Variants in ANK2 observed in about 807,000 individuals in gnomAD.
ANK2 encodes ankyrin-2.
A neutral mutation model predicts 360.5 loss-of-function variants in ANK2; 83 were observed. The observed-to-expected ratio is 0.23, with a 90% CI of 0.19 to 0.28. The LOEUF (loss-of-function observed/expected upper bound fraction) is 0.28. Ranked by LOEUF, ANK2 falls within the 10% of genes least tolerant of loss-of-function variation. The pLI is 1.00. For synonymous variants in ANK2, 1,740 were observed against 1,759.5 expected, an observed-to-expected ratio of 0.99 and a Z score of 0.28; for missense variants, 4,201 against 4,795.7, an observed-to-expected ratio of 0.88 and a Z score of 3.66.
upstream of ANK2, among the ~76,000 whole-genome samples, chr4:112,816,528 A>G (rs183801063): frequency 8.0e-4 from 122 of 152,190 alleles, no homozygotes; most frequent in Non-Finnish European, 1.6e-4. Context: ...TATTATATTG[A>G]TTACAATATC....
intron 13 of ANK2, among the ~76,000 whole-genome samples, chr4:113,262,886 T>G (rs545483204): frequency 6.6e-6 from 1 of 151,812 alleles, no homozygotes; most frequent in South Asian, 2.1e-4. Flanking sequence ...GAGGGACAAC[T>G]GTAGTTAGAA....
intron 1 of ANK2, among the ~76,000 whole-genome samples, chr4:112,858,958 A>T (rs1429529057): frequency 6.6e-6 from 1 of 152,226 alleles, no homozygotes; most frequent in Non-Finnish European, 1.5e-5. Flanking sequence ...AAGGTTTCAG[A>T]CCAAGTTCTT....
At chr4:113,021,480 C>T (rs9884956) in intron 2 of ANK2, among the ~76,000 whole-genome samples, 114,973 of 143,616 alleles carry the variant, frequency 0.8, 46,003 homozygotes, top group South Asian at 0.87. Flanking sequence ...TATATAAGTA[C>T]GTATGTGTAT....
At chr4:112,785,530 A>G in the ANK2 span, among the ~76,000 whole-genome samples, 2 of 150,896 alleles carry the variant, frequency 1.3e-5, no homozygotes, top group African/African-American at 2.4e-5. Flanking sequence ...CCACCACCAC[A>G]CCCAGCTAAT....
intron 1 of ANK2, among the ~76,000 whole-genome samples, chr4:113,091,554 C>G (rs775034911): frequency 2.6e-5 from 4 of 152,176 alleles, no homozygotes; most frequent in Non-Finnish European, 4.4e-5. Context: ...GTTTTACTTT[C>G]TAAAACAGAG....
At chr4:112,919,169 G>T (rs2090784402) in intron 2 of ANK2, among the ~76,000 whole-genome samples, 1 of 152,088 alleles carries the variant, frequency 6.6e-6, no homozygotes. Context: ...ATTGACAATT[G>T]GCAATAGCAT....
chr4:113,029,569 G>A (rs977140845), intron 2 of ANK2, among the ~76,000 whole-genome samples: 1 of 151,966 alleles, frequency 6.6e-6, no homozygotes, highest in South Asian at 2.1e-4. Flanking sequence ...AATGAACGTG[G>A]CCGGAGTTCT....
At chr4:113,012,848 T>C (rs1251168987) in intron 2 of ANK2, among the ~76,000 whole-genome samples, 1 of 152,168 alleles carries the variant, frequency 6.6e-6, no homozygotes, top group Non-Finnish European at 1.5e-5. Flanking sequence ...GCGTCGTTCA[T>C]GAGCATGCTA....
At chr4:113,088,637 C>T (rs553069415) in intron 1 of ANK2, among the ~76,000 whole-genome samples, 1 of 151,074 alleles carries the variant, frequency 6.6e-6, no homozygotes, top group Admixed American at 6.6e-5. Flanking sequence ...CGTTTTATGT[C>T]TCCAAAAGAC....
At chr4:112,831,329 A>G (rs542612846) in intron 1 of ANK2, among the ~76,000 whole-genome samples, 3 of 152,246 alleles carry the variant, frequency 2.0e-5, no homozygotes, top group Admixed American at 1.3e-4. Context: ...AAATGCACCA[A>G]TCAGCACTCT....
At chr4:112,841,318 T>C (rs2062030836) in intron 1 of ANK2, among the ~76,000 whole-genome samples, 1 of 152,236 alleles carries the variant, frequency 6.6e-6, no homozygotes, top group Admixed American at 6.5e-5. Context: ...GCAGATTGGG[T>C]GTCTGAAGGC....
Position 113,365,064 on chromosome 4 carries a change from C to A in ANK2, c.10914C>A (p.Thr3638=), listed in dbSNP as rs1564111365. 1 of 1,613,886 alleles carries A rather than the reference C, an allele frequency of 6.2e-7. No individual in the cohort carries two copies. The highest frequency in any genetic ancestry group is 8.5e-7 in the Non-Finnish European group (1 of 1,179,876). The change falls in exon 41 of 46, where the codon ACC becomes ACA. Residue 3638 remains threonine (T), a synonymous_variant. Coordinates refer to ENST00000357077, the MANE Select transcript of ANK2 (RefSeq NM_001148.6). ...ATACCAACCTCGTTGAATGTCTCAC[C>A]AAGATCAACCGAATGGATATTGTTC... ...ATDTNLVECL[T]KINRMDIVHL...
chr4:113,211,568 G>A (rs187456358), intron 4 of ANK2, among the ~76,000 whole-genome samples: 62 of 152,222 alleles, frequency 4.1e-4, no homozygotes, highest in Admixed American at 1.6e-3. Context: ...CAACTTTTCC[G>A]TAAACAAATG....
chr4:113,180,093 T>C (rs1318972294), intron 2 of ANK2, among the ~76,000 whole-genome samples: 1 of 152,234 alleles, frequency 6.6e-6, no homozygotes, highest in Non-Finnish European at 1.5e-5. Flanking sequence ...TTCAAAACAA[T>C]ATTAATGTTC....
intron 9 of ANK2, among the ~76,000 whole-genome samples, chr4:113,242,497 C>T (rs2040507284): frequency 6.6e-6 from 1 of 152,180 alleles, no homozygotes; most frequent in Non-Finnish European, 1.5e-5. Flanking sequence ...ATTAGGCTTA[C>T]ACAACTCTCT....
intron 22 of ANK2, among the ~76,000 whole-genome samples, chr4:113,300,593 AAC>A (rs910497799): frequency 1.3e-5 from 2 of 152,200 alleles, no homozygotes; most frequent in African/African-American, 4.8e-5. Flanking sequence ...GCAGCAGATA[AAC>A]ACAGTTAAAC....
intron 18 of ANK2, among the ~76,000 whole-genome samples, chr4:113,287,070 T>A (rs905696566): frequency 6.6e-6 from 1 of 152,184 alleles, no homozygotes; most frequent in African/African-American, 2.4e-5. Context: ...AATAATGAGG[T>A]TACTTTAAGG....
chr4:113,117,751 A>AT (rs1452386767), intron 1 of ANK2, among the ~76,000 whole-genome samples: 1 of 152,138 alleles, frequency 6.6e-6, no homozygotes, highest in Non-Finnish European at 1.5e-5. Context: ...GAAGGGGTTG[A>AT]TTTACGGTTG....
intron 9 of ANK2, among the ~76,000 whole-genome samples, chr4:113,244,232 T>A (rs961372377): frequency 7.9e-6 from 1 of 125,926 alleles, no homozygotes; most frequent in Non-Finnish European, 1.7e-5. Flanking sequence ...ATTCATTTAT[T>A]CCTTAAACAA....
Sources: gnomAD v4.1 joint callset for allele counts (sites outside exome capture counted in the v4.1 genomes callset) on GRCh38, gnomAD v4.1.1 for gene constraint, MANE v1.5 for transcripts, NCBI Gene and HGNC (gene_info 2026-07-23, HGNC 2026-07-21) for gene names.